Variants in DLC1 observed in about 807,000 individuals in gnomAD.
DLC1 encodes DLC1 Rho GTPase activating protein.
Under a neutral mutation model 140.3 loss-of-function variants are expected in DLC1, and 54 were observed. The observed-to-expected ratio is 0.38, with a 90% CI of 0.31 to 0.48. DLC1 has a LOEUF of 0.48. DLC1 is among the 20% of genes least tolerant of loss of function. The pLI, the probability that DLC1 is intolerant of heterozygous loss-of-function variation, is 0.96. For missense variants in DLC1, 2,536 were observed against 1,907.0 expected, an observed-to-expected ratio of 1.33 and a Z score of -6.14; for synonymous variants, 986 against 728.1, an observed-to-expected ratio of 1.35 and a Z score of -5.70.
chr8:13,124,230 G>A (rs1821366257), intron 5 of DLC1, among the ~76,000 whole-genome samples: 1 of 152,190 alleles, frequency 6.6e-6, no homozygotes, highest in Admixed American at 6.5e-5. Flanking sequence ...AGTGGGAGGG[G>A]TGTCCCTTCT....
intron 2 of DLC1, among the ~76,000 whole-genome samples, chr8:13,439,379 G>A (rs1298901326): frequency 6.6e-6 from 1 of 152,120 alleles, no homozygotes; most frequent in Non-Finnish European, 1.5e-5. Context: ...CCCACAGGCA[G>A]TAGTTTACTG....
At chr8:13,378,888 G>C (rs1836120438) in intron 4 of DLC1, among the ~76,000 whole-genome samples, 1 of 152,168 alleles carries the variant, frequency 6.6e-6, no homozygotes, top group African/African-American at 2.4e-5. Flanking sequence ...ACCAATTAAT[G>C]GGTTATGTTG....
At chr8:13,237,903 G>T (rs1054608894) in intron 5 of DLC1, among the ~76,000 whole-genome samples, 1 of 148,844 alleles carries the variant, frequency 6.7e-6, no homozygotes, top group Non-Finnish European at 1.5e-5. Flanking sequence ...AAGAAAGAAA[G>T]AAAAGAAAGA....
chr8:13,453,440 A>G lies in DLC1; in HGVS notation c.1023+45609T>C, dbSNP rs868167263. Among the ~76,000 whole-genome samples the G allele has an allele frequency of 1.4e-3, 32 of 22,302 alleles. No homozygotes were observed. The East Asian group carries it at 0.017, about 12-fold the overall frequency. The allele number at this position is 22,302 out of a possible 152,430, so 14.6% of individuals were successfully genotyped here. The stretch of plus-strand genomic sequence containing the variant: ...TATATATATGTGTATATATATATGT[A>G]TATATATACATATATATATGTATAT... On this transcript the variant is annotated intron_variant, in intron 2 of 17. Coordinates refer to ENST00000276297, the MANE Select transcript of DLC1 (RefSeq NM_182643.3).
At chr8:13,600,849 T>C (rs1279645839) in intron 1 of DLC1, among the ~76,000 whole-genome samples, 1 of 151,916 alleles carries the variant, frequency 6.6e-6, no homozygotes, top group Non-Finnish European at 1.5e-5. Context: ...CATTTATTTG[T>C]ATATATTTGC....
chr8:13,404,419 C>T (rs1837433464), intron 2 of DLC1, among the ~76,000 whole-genome samples: 2 of 152,098 alleles, frequency 1.3e-5, no homozygotes, highest in African/African-American at 2.4e-5. Context: ...CATATGGTGA[C>T]TCCGAAACAC....
chr8:13,424,346 A>G (rs565594797), intron 2 of DLC1, among the ~76,000 whole-genome samples: 1 of 152,038 alleles, frequency 6.6e-6, no homozygotes, highest in East Asian at 2.0e-4. Context: ...AAAATTAGCC[A>G]GGTATGGTGG....
chr8:13,489,409 C>CCA (rs1554530198), intron 2 of DLC1, among the ~76,000 whole-genome samples: 3 of 8,974 alleles, frequency 3.3e-4, no homozygotes, highest in African/African-American at 6.4e-4. Flanking sequence ...AACACACACA[C>CCA]CATACACACA....
intron 3 of DLC1, among the ~76,000 whole-genome samples, chr8:13,399,180 A>G (rs1291672365): frequency 6.6e-6 from 1 of 152,174 alleles, no homozygotes; most frequent in Non-Finnish European, 1.5e-5. Context: ...AACTATTCCT[A>G]ATTCAAACTT....
intron 2 of DLC1, among the ~76,000 whole-genome samples, chr8:13,469,934 A>G (rs928384380): frequency 6.6e-5 from 10 of 152,308 alleles, no homozygotes; most frequent in African/African-American, 2.2e-4. Flanking sequence ...ACAGCTCAAT[A>G]TTGTGGGAAA....
intron 4 of DLC1, chr8:13,341,824 A>C (rs1834067765): frequency 6.6e-6 from 1 of 152,176 alleles, no homozygotes; most frequent in African/African-American, 2.4e-5. Context: ...GATTGATTAC[A>C]TCTGTGGCCA....
intron 2 of DLC1, among the ~76,000 whole-genome samples, chr8:13,407,417 GCA>G (rs1209127312): frequency 6.6e-6 from 1 of 152,110 alleles, no homozygotes; most frequent in Admixed American, 6.5e-5. Context: ...CACAAACACA[GCA>G]CACACACAAG....
chr8:13,507,179 C>A (rs559596304), intron 1 of DLC1, among the ~76,000 whole-genome samples: 3 of 152,278 alleles, frequency 2.0e-5, no homozygotes, highest in South Asian at 2.1e-4. Flanking sequence ...AATTACCTAG[C>A]AAACTAAATT....
intron 4 of DLC1, among the ~76,000 whole-genome samples, chr8:13,368,250 T>G (rs1224981070): frequency 6.6e-6 from 1 of 152,220 alleles, no homozygotes; most frequent in South Asian, 2.1e-4. Context: ...TCAGACACCA[T>G]GTCTTCTATC....
At chr8:13,541,573 G>T (rs952585431) in intron 1 of DLC1, among the ~76,000 whole-genome samples, 8 of 152,138 alleles carry the variant, frequency 5.3e-5, no homozygotes, top group African/African-American at 1.9e-4. Context: ...TTATTGAGCC[G>T]GGGTCTCACT....
At chr8:13,553,872 T>C (rs1803951472) in intron 1 of DLC1, among the ~76,000 whole-genome samples, 1 of 152,148 alleles carries the variant, frequency 6.6e-6, no homozygotes, top group African/African-American at 2.4e-5. Context: ...ACATTTGATA[T>C]ATTTGAACAC....
intron 1 of DLC1, among the ~76,000 whole-genome samples, chr8:13,564,362 C>G (rs1044101153): frequency 5.9e-5 from 9 of 152,140 alleles, no homozygotes; most frequent in South Asian, 2.1e-4. Flanking sequence ...CAGTGAGATT[C>G]TTGTCACATT....
chr8:13,422,758 T>A (rs754056951), intron 2 of DLC1, among the ~76,000 whole-genome samples: 3 of 151,330 alleles, frequency 2.0e-5, no homozygotes, highest in Non-Finnish European at 4.4e-5. Flanking sequence ...TCTTAAGGAG[T>A]TGATACTACA....
chr8:13,542,005 C>T (rs1803501506), intron 1 of DLC1, among the ~76,000 whole-genome samples: 1 of 152,164 alleles, frequency 6.6e-6, no homozygotes, highest in Admixed American at 6.6e-5. Flanking sequence ...TTCTTCCAGT[C>T]TGTGGTTTTT....
Sources: allele counts gnomAD v4.1 joint callset (sites outside exome capture counted in the v4.1 genomes callset), GRCh38; gene constraint gnomAD v4.1.1; transcripts MANE v1.5; gene names NCBI Gene and HGNC (gene_info 2026-07-23, HGNC 2026-07-21).